The following ABCB10 variants were observed in gnomAD, a reference collection of about 807,000 sequenced individuals.
ABCB10 encodes the protein ATP-binding cassette sub-family B member 10, mitochondrial.
ABCB10 carries 54 observed loss-of-function variants against 65.4 expected under a neutral mutation model. The observed-to-expected ratio is 0.83, with a 90% CI of 0.66 to 1.04. The LOEUF (loss-of-function observed/expected upper bound fraction) is 1.04. ABCB10 is among the 50% of genes least tolerant of loss of function. The pLI, the probability that ABCB10 is intolerant of heterozygous loss-of-function variation, is 0.00. For synonymous variants in ABCB10, 418 were observed against 406.5 expected (o/e 1.03, Z -0.34); for missense variants, 846 against 976.6 (o/e 0.87, Z 1.78).
rs752685794 is a variant in ABCB10 at position 229,558,252 on chromosome 1, C to T, written c.401G>A (p.Arg134Gln). 4 of 1,324,216 alleles carry T rather than the reference C, an allele frequency of 3.0e-6. No homozygotes were observed. The highest frequency in any genetic ancestry group is 3.7e-5 in the South Asian group (2 of 53,774). The allele number at this position is 1,324,216 out of a possible 1,614,324, so 82.0% of individuals were successfully genotyped here. The change falls in exon 1 of 13, where the codon CGG becomes CAG. Residue 134 changes from arginine to glutamine, a missense_variant. By Grantham distance (43) the Arg-to-Gln change is conservative. This residue lies in a region of ABCB10 where 632 missense variants were observed against 803.2 expected (regional missense o/e 0.79). Transcript: ENST00000344517. Reference sequence around the variant, plus strand: ...CCCGGGAGGCGCCGCCGGCCCGCGCCGCCAGGCCTCGTCCCCTGCCCAGGC... The same window carrying T: ...CCCGGGAGGCGCCGCCGGCCCGCGCTGCCAGGCCTCGTCCCCTGCCCAGGC... ...AAAWAGDEAW[R>Q]RGPAAPPGDK...
intron 6 of ABCB10, among the ~76,000 whole-genome samples, chr1:229,536,394 C>A (rs1446687794): frequency 6.6e-6 from 1 of 152,050 alleles, no homozygotes; most frequent in East Asian, 1.9e-4. Context: ...GCAGTCCTAG[C>A]TACTCAGGAG....
chr1:229,558,481 G>T lies in ABCB10; in HGVS notation c.172C>A (p.Leu58Met). The T allele has an allele frequency of 7.7e-7, 1 of 1,292,946 alleles. No individual in the cohort carries two copies. Among genetic ancestry groups the T allele is most frequent in the Non-Finnish European group, 9.8e-7 (1 of 1,020,240 alleles). 80.1% of individuals were successfully genotyped at this position (1,292,946 alleles called of 1,614,324 possible). The change falls in exon 1 of 13, where the codon CTG (leucine) becomes ATG (methionine). Residue 58 changes from leucine (L) to methionine (M), a missense_variant. Leu to Met is a conservative substitution (Grantham distance 15). This residue lies in a region of ABCB10 where 214 missense variants were observed against 173.5 expected (regional missense o/e 1.23). Coordinates refer to ENST00000344517, the MANE Select transcript of ABCB10 (RefSeq NM_012089.3). The stretch of plus-strand genomic sequence containing the variant: ...CGCGCGGCTCCAACGCCCCAGAGCA[G>T]CGCGGGCCCCGCGCCCCATAGCCGC... ...PARLWGAGPALLWGVGAARRW... is the reference protein window; with the variant it reads ...PARLWGAGPAMLWGVGAARRW...
intron 1 of ABCB10, among the ~76,000 whole-genome samples, chr1:229,554,334 A>G (rs866272487): frequency 1.3e-5 from 2 of 152,178 alleles, no homozygotes; most frequent in East Asian, 3.9e-4. Flanking sequence ...CTGAGCCCCC[A>G]TGTGTCTGGT....
chr1:229,518,508 C>T (rs898976203), intron 12 of ABCB10, 98 bp from the exon 13 acceptor site: 1 of 1,008,238 alleles, frequency 9.9e-7, no homozygotes, highest in Non-Finnish European at 1.5e-6. Context: ...TGAATTTTTA[C>T]CATGATCAAA....
intron 1 of ABCB10, among the ~76,000 whole-genome samples, chr1:229,557,178 G>A (rs1235908159): frequency 1.3e-5 from 2 of 152,144 alleles, no homozygotes; most frequent in Non-Finnish European, 2.9e-5. Context: ...CCTTTCTAAA[G>A]CAATGGATTT....
At chr1:229,525,725 G>A (rs572113380) in intron 10 of ABCB10, among the ~76,000 whole-genome samples, 26 of 152,192 alleles carry the variant, frequency 1.7e-4, no homozygotes, top group African/African-American at 4.1e-4. Context: ...CCAGCTACTC[G>A]GGAGGCTGAG....
At chr1:229,520,239 G>C (rs1662272281) in intron 11 of ABCB10, among the ~76,000 whole-genome samples, 1 of 152,058 alleles carries the variant, frequency 6.6e-6, no homozygotes, top group Non-Finnish European at 1.5e-5. Flanking sequence ...GGAGGCCAAG[G>C]TGGGTGGATC....
rs895546488 is a variant in ABCB10 at position 229,523,976 on chromosome 1, C to CTT, written c.1906+1958_1906+1959dup. 7.9e-5 allele frequency among the ~76,000 whole-genome samples: 12 copies of CTT among 151,586 alleles called. No individual in the cohort carries two copies. The South Asian group carries it at 8.3e-4, about 11-fold the overall frequency. On this transcript the variant is annotated intron_variant, in intron 10 of 12. Transcript: ENST00000344517. ...ATCAAAGACGCCTTTTCATCTACTGCTTATATATATATATATATTTTAAAT... is the reference window on the plus strand; with the variant it reads ...ATCAAAGACGCCTTTTCATCTACTGCTTTTATATATATATATATATTTTAAAT...
chr1:229,540,159 A>G (rs1285485057), intron 5 of ABCB10, among the ~76,000 whole-genome samples: 1 of 152,218 alleles, frequency 6.6e-6, no homozygotes, highest in African/African-American at 2.4e-5. Context: ...TCAGTGTCCT[A>G]TTTGAGTGCA....
chr1:229,519,300 C>T (rs1009354988), intron 11 of ABCB10, among the ~76,000 whole-genome samples: 1 of 152,104 alleles, frequency 6.6e-6, no homozygotes, highest in Non-Finnish European at 1.5e-5. Flanking sequence ...TACAAAAAAA[C>T]CCCACAAATT....
chr1:229,542,961 T>C (rs1662885718), intron 3 of ABCB10, among the ~76,000 whole-genome samples: 1 of 151,878 alleles, frequency 6.6e-6, no homozygotes, highest in Non-Finnish European at 1.5e-5. Flanking sequence ...TGAAACCCCA[T>C]CTCTACTAAA....
intron 11 of ABCB10, among the ~76,000 whole-genome samples, chr1:229,519,510 G>A (rs997400847): frequency 8.5e-5 from 13 of 152,178 alleles, no homozygotes; most frequent in African/African-American, 2.9e-4. Flanking sequence ...TAAGATGGCC[G>A]GACGTGGTGG....
intron 1 of ABCB10, among the ~76,000 whole-genome samples, chr1:229,553,595 G>A (rs1193382874): frequency 1.3e-5 from 2 of 151,812 alleles, no homozygotes; most frequent in Non-Finnish European, 2.9e-5. Flanking sequence ...GGTTGGATGT[G>A]AGCATTTTTC....
At chr1:229,525,859 C>A in intron 10 of ABCB10, 77 bp downstream of exon 10, 1 of 1,508,066 alleles carries the variant, frequency 6.6e-7, no homozygotes, top group South Asian at 1.3e-5. Flanking sequence ...ACAAAACAAA[C>A]AAACAAAAAA....
intron 3 of ABCB10, among the ~76,000 whole-genome samples, chr1:229,545,156 T>C (rs981596623): frequency 2.6e-5 from 4 of 152,222 alleles, no homozygotes; most frequent in Non-Finnish European, 4.4e-5. Context: ...CTTTCCTTGT[T>C]ACAAAAAGTA....
chr1:229,554,508 T>A (rs1275472813), intron 1 of ABCB10, among the ~76,000 whole-genome samples: 1 of 152,202 alleles, frequency 6.6e-6, no homozygotes, highest in African/African-American at 2.4e-5. Flanking sequence ...CTAGGTAATT[T>A]AAACTTCTCT....
At chr1:229,547,435 G>C in intron 3 of ABCB10, 64 bp downstream of exon 3, 4 of 1,578,450 alleles carry the variant, frequency 2.5e-6, no homozygotes, top group Non-Finnish European at 3.5e-6. Context: ...CGTCTCACAC[G>C]TGAGAGGCCT....
intron 4 of ABCB10, among the ~76,000 whole-genome samples, chr1:229,541,320 A>G (rs1003294703): frequency 1.3e-5 from 2 of 152,050 alleles, no homozygotes; most frequent in African/African-American, 2.4e-5. Context: ...TCCACCTCCC[A>G]GGTTCAAGCG....
chr1:229,554,686 A>G (rs1663199923), intron 1 of ABCB10, among the ~76,000 whole-genome samples: 2 of 152,228 alleles, frequency 1.3e-5, no homozygotes, highest in Non-Finnish European at 2.9e-5. Flanking sequence ...GCACAGCTAC[A>G]GAATGCTCAG....
Sources: allele counts gnomAD v4.1 joint callset (sites outside exome capture counted in the v4.1 genomes callset), GRCh38; gene constraint gnomAD v4.1.1; regional missense constraint gnomAD v4.1.1; transcripts MANE v1.5; gene names NCBI Gene and HGNC (gene_info 2026-07-23, HGNC 2026-07-21).